ATP8A1: variants seen among roughly 807,000 people sequenced by gnomAD.
The protein encoded by ATP8A1 is phospholipid-transporting ATPase IA.
In ATP8A1, 90 loss-of-function variants were observed where a neutral mutation model predicts 177.7. That is an observed-to-expected ratio of 0.51 (90% CI 0.43 to 0.60). The LOEUF (loss-of-function observed/expected upper bound fraction) is 0.60. Among genes scored for constraint, ATP8A1 ranks in the 20% least tolerant of loss-of-function variants. The pLI, the probability that ATP8A1 is intolerant of heterozygous loss-of-function variation, is 0.00. For synonymous variants in ATP8A1, 493 were observed against 485.9 expected, an observed-to-expected ratio of 1.01 and a Z score of -0.19; for missense variants, 1,072 against 1,392.8, an observed-to-expected ratio of 0.77 and a Z score of 3.67.
At chr4:42,418,826 C>A (rs1316161297) in intron 35 of ATP8A1, among the ~76,000 whole-genome samples, 1 of 152,158 alleles carries the variant, frequency 6.6e-6, no homozygotes, top group Admixed American at 6.5e-5. Context: ...ACTATTTCCA[C>A]TAAAAATGGC....
Position 42,524,760 on chromosome 4 carries a change from T to A in ATP8A1, c.1807+3A>T, listed in dbSNP as rs1467806600. On this transcript the variant is annotated splice_donor_region_variant and intron_variant, in intron 21 of 36. Transcript: ENST00000381668. ...TCATGCTTTATTGCCAAATTACACTTACCTTCTGTAGCAAACTGCTCTAAA... is the reference window on the plus strand; with the variant it reads ...TCATGCTTTATTGCCAAATTACACTAACCTTCTGTAGCAAACTGCTCTAAA... 5 of 1,593,588 alleles carry A rather than the reference T, an allele frequency of 3.1e-6. No individual in the cohort carries two copies. Among genetic ancestry groups the A allele is most frequent in the Non-Finnish European group, 4.3e-6 (5 of 1,165,706 alleles).
At chr4:42,521,817 CAT>C (rs1393100891) in intron 22 of ATP8A1, among the ~76,000 whole-genome samples, 18 of 152,106 alleles carry the variant, frequency 1.2e-4, no homozygotes, top group East Asian at 3.9e-4. Flanking sequence ...TCAAAGCACA[CAT>C]GTCATGTATG....
intron 25 of ATP8A1, among the ~76,000 whole-genome samples, chr4:42,467,917 T>C (rs780558168): frequency 2.1e-4 from 32 of 152,330 alleles, no homozygotes; most frequent in Non-Finnish European, 3.7e-4. Flanking sequence ...TTGTTGGATA[T>C]ACAGATTGTG....
intron 17 of ATP8A1, among the ~76,000 whole-genome samples, chr4:42,551,859 A>G (rs1411271078): frequency 6.6e-6 from 1 of 152,202 alleles, no homozygotes; most frequent in Non-Finnish European, 1.5e-5. Context: ...GGAAGTTAGT[A>G]TATCCTATAA....
At chr4:42,435,456 A>AAC (rs1553871793) in intron 33 of ATP8A1, among the ~76,000 whole-genome samples, 9 of 101,070 alleles carry the variant, frequency 8.9e-5, no homozygotes, top group African/African-American at 2.6e-4. Context: ...AAAACAAAAA[A>AAC]AAAAAAACAA....
intron 15 of ATP8A1, among the ~76,000 whole-genome samples, chr4:42,567,314 G>T (rs1032148546): frequency 6.6e-6 from 1 of 152,130 alleles, no homozygotes; most frequent in East Asian, 1.9e-4. Flanking sequence ...TGAGGCGGGC[G>T]GATAACCTGA....
At chr4:42,615,686 A>G (rs1439952791) in intron 5 of ATP8A1, among the ~76,000 whole-genome samples, 2 of 152,220 alleles carry the variant, frequency 1.3e-5, no homozygotes, top group Non-Finnish European at 1.5e-5. Context: ...ATTATTTTCT[A>G]TACATCTTTT....
At chr4:42,560,466 T>C (rs1730704143) in intron 15 of ATP8A1, among the ~76,000 whole-genome samples, 1 of 152,142 alleles carries the variant, frequency 6.6e-6, no homozygotes, top group Non-Finnish European at 1.5e-5. Context: ...TATACACATA[T>C]ACATATTACA....
At chr4:42,521,340 C>T (rs1483503569) in intron 22 of ATP8A1, among the ~76,000 whole-genome samples, 1 of 152,152 alleles carries the variant, frequency 6.6e-6, no homozygotes, top group Non-Finnish European at 1.5e-5. Flanking sequence ...TACTTACCCT[C>T]TCTGTTACCT....
chr4:42,650,378 C>T (rs1012195342), intron 1 of ATP8A1, among the ~76,000 whole-genome samples: 1 of 152,214 alleles, frequency 6.6e-6, no homozygotes, highest in Non-Finnish European at 1.5e-5. Flanking sequence ...CCATACTCAT[C>T]TCCATGTTTC....
In ATP8A1 at chr4:42,656,997, A is replaced by G. The variant is rs990798229; in HGVS notation, c.-124T>C. Reference sequence around the variant, plus strand: ...TGCAGCCTGGGCCGCGCCGCCGCCCACCTAGGGCAGAGCTGCCGCCGGGCG... The same window carrying G: ...TGCAGCCTGGGCCGCGCCGCCGCCCGCCTAGGGCAGAGCTGCCGCCGGGCG... On this transcript the variant is annotated 5_prime_UTR_variant, in exon 1 of 37. Coordinates refer to ENST00000381668, the MANE Select transcript of ATP8A1 (RefSeq NM_006095.2). 1.9e-6 allele frequency: 2 copies of G among 1,069,896 alleles called. No individual in the cohort carries two copies. The highest frequency in any genetic ancestry group is 8.5e-5 in the Admixed American group (2 of 23,436). The allele number at this position is 1,069,896 out of a possible 1,614,324, so 66.3% of individuals were successfully genotyped here. A position where few individuals can be genotyped will look rare whatever the true frequency, so the allele number is the denominator to read the frequency against.
In ATP8A1 at chr4:42,647,174, C is replaced by T. The variant is rs532196931; in HGVS notation, c.49+9651G>A. 9.9e-5 allele frequency among the ~76,000 whole-genome samples: 15 copies of T among 152,246 alleles called. No homozygotes were observed. In the South Asian group the frequency reaches 2.9e-3, roughly 29 times the overall value. On this transcript the variant is annotated intron_variant, in intron 1 of 36. Coordinates refer to ENST00000381668, the MANE Select transcript of ATP8A1 (RefSeq NM_006095.2). ...GTGAAGTTTTATACACACGTGACTG[C>T]CTTCTGTTGTTAAGAAGGGAGCTGA...
At chr4:42,648,115 A>G (rs1464366505) in intron 1 of ATP8A1, among the ~76,000 whole-genome samples, 1 of 152,226 alleles carries the variant, frequency 6.6e-6, no homozygotes, top group Non-Finnish European at 1.5e-5. Context: ...AAAGATGCCA[A>G]TTCTCTTAAT....
At chr4:42,648,533 C>T (rs543494349) in intron 1 of ATP8A1, among the ~76,000 whole-genome samples, 1 of 151,764 alleles carries the variant, frequency 6.6e-6, no homozygotes, top group African/African-American at 2.4e-5. Context: ...CATTTCACCA[C>T]AAAGTAAATC....
intron 5 of ATP8A1, 86 bp from the exon 6 acceptor site, chr4:42,600,604 G>C (rs1735152162): frequency 7.9e-7 from 1 of 1,269,236 alleles, no homozygotes; most frequent in Non-Finnish European, 1.1e-6. Context: ...TAAACGAATA[G>C]CTTCAGTCAA....
chr4:42,511,339 C>T (rs1339777205), intron 22 of ATP8A1, among the ~76,000 whole-genome samples: 1 of 152,092 alleles, frequency 6.6e-6, no homozygotes. Flanking sequence ...ATATGTATTA[C>T]CTTACACAGA....
At chr4:42,617,770 C>G (rs779431595) in intron 4 of ATP8A1, among the ~76,000 whole-genome samples, 13 of 152,216 alleles carry the variant, frequency 8.5e-5, no homozygotes, top group Non-Finnish European at 1.3e-4. Context: ...ACATCACTTT[C>G]CATCTACAGC....
intron 24 of ATP8A1, among the ~76,000 whole-genome samples, chr4:42,493,980 T>C (rs1448926736): frequency 1.3e-5 from 2 of 151,668 alleles, no homozygotes; most frequent in African/African-American, 4.8e-5. Context: ...GGAAGGCAGA[T>C]CACTTGAGGT....
rs1035263438 is a variant in ATP8A1, at chr4:42,410,363, T to G, written c.*2553A>C. 1.3e-5 allele frequency: 2 copies of G among 152,164 alleles called. No individual in the cohort carries two copies. The highest frequency in any genetic ancestry group is 1.3e-4 in the Admixed American group (2 of 15,264). 9.4% of individuals were successfully genotyped at this position (152,164 alleles called of 1,614,324 possible). On this transcript the variant is annotated 3_prime_UTR_variant, in exon 37 of 37. Coordinates refer to ENST00000381668, the MANE Select transcript of ATP8A1 (RefSeq NM_006095.2). ...GTGTTAGCATTTGCCAGAGTCCCTA[T>G]AAGGAACTTTTTAATTGAAGAGTAC... is the stretch of plus-strand genomic sequence containing the variant.
Sources: allele counts gnomAD v4.1 joint callset (sites outside exome capture counted in the v4.1 genomes callset), GRCh38; gene constraint gnomAD v4.1.1; transcripts MANE v1.5; gene names NCBI Gene and HGNC (gene_info 2026-07-23, HGNC 2026-07-21).